NEB: variants seen among roughly 807,000 people sequenced by gnomAD.
NEB encodes the protein nebulin.
In NEB, 512 loss-of-function variants were observed where a neutral mutation model predicts 952.2. That is an observed-to-expected ratio of 0.54 (90% CI 0.50 to 0.58). The LOEUF is 0.58. Ranked by LOEUF, NEB falls within the 20% of genes least tolerant of loss-of-function variation. NEB has a pLI of 0.00. For synonymous variants in NEB, 2,900 were observed against 3,149.8 expected (o/e 0.92, Z 2.66); for missense variants, 8,428 against 9,231.1 (o/e 0.91, Z 3.56).
At chr2:151,499,486 C>A in intron 168 of NEB, 96 bp from the exon 169 acceptor site, 1 of 689,738 alleles carries the variant, frequency 1.4e-6, no homozygotes, top group Non-Finnish European at 2.6e-6. Context: ...CTACAGACGT[C>A]AGACAGAAAA....
At chr2:151,604,074 C>T (rs1389676273) in intron 85 of NEB, among the ~76,000 whole-genome samples, 2 of 124,482 alleles carry the variant, frequency 1.6e-5, no homozygotes, top group African/African-American at 7.0e-5. Context: ...TGAAGTCTGC[C>T]TTTTATGTAC....
chr2:151,655,873 G>A lies in NEB; in HGVS notation c.6646C>T (p.Leu2216=), dbSNP rs779191300. 6.8e-6 allele frequency: 11 copies of A among 1,613,644 alleles called. No homozygotes were observed. Among genetic ancestry groups the A allele is most frequent in the African/African-American group, 1.3e-5 (1 of 74,866 alleles). The part of the protein sequence containing the change: ...QHPSNFQFKK[L]TDSMDMVLAK... ...AGCACCATGTCCATGGAATCAGTCA[G>A]CTTCTTAAACTGGAAGTTGCTCGGG... is the stretch of plus-strand genomic sequence containing the variant. The change falls in exon 50 of 182, where the codon CTG becomes TTG. Residue 2216 remains leucine, a synonymous_variant. Transcript: ENST00000397345.
chr2:151,529,160 C>T (rs182560374), intron 146 of NEB, 50 bp downstream of exon 146: 5 of 1,266,122 alleles, frequency 3.9e-6, no homozygotes, highest in African/African-American at 1.5e-5. Flanking sequence ...ATGTGTCCTA[C>T]AGAAGCTGGT....
chr2:151,724,884 T>C lies in NEB; in HGVS notation c.480A>G (p.Ala160=), dbSNP rs1183691971. 1 of 1,613,832 alleles carries C rather than the reference T, an allele frequency of 6.2e-7. No homozygotes were observed. The highest frequency in any genetic ancestry group is 1.7e-5 in the Admixed American group (1 of 59,970). The change falls in exon 7 of 182, where the codon GCA becomes GCG. Residue 160 remains alanine, a synonymous_variant. Transcript: ENST00000397345. ...TACTGACTTGCTGCGACACTTTCTT[T>C]GCATGTTCAATATCCTTTGCTTTTT... ...VDEKAKDIEH[A]KKVSQQVSKV...
At chr2:151,702,325 A>C (rs2099676371) in intron 13 of NEB, among the ~76,000 whole-genome samples, 1 of 148,342 alleles carries the variant, frequency 6.7e-6, no homozygotes, top group Non-Finnish European at 1.5e-5. Flanking sequence ...TGTGGTGCTG[A>C]AAAAAATGTA....
At chr2:151,549,351 G>A (rs578058542) in intron 130 of NEB, among the ~76,000 whole-genome samples, 1 of 152,290 alleles carries the variant, frequency 6.6e-6, no homozygotes, top group African/African-American at 2.4e-5. Flanking sequence ...TGTGCTAAGT[G>A]AGGCCAGCAG....
intron 161 of NEB, among the ~76,000 whole-genome samples, chr2:151,511,673 C>T (rs1226977736): frequency 1.3e-5 from 2 of 152,216 alleles, no homozygotes; most frequent in Non-Finnish European, 2.9e-5. Flanking sequence ...TCCTGACCAT[C>T]ACTGACAATC....
At chr2:151,575,372 GTCTA>G (rs2096792050) in intron 107 of NEB, among the ~76,000 whole-genome samples, 1 of 152,138 alleles carries the variant, frequency 6.6e-6, no homozygotes, top group Non-Finnish European at 1.5e-5. Flanking sequence ...ATTATTTTGA[GTCTA>G]TCTGAGTCTA....
At chr2:151,611,196 C>T (rs2097941702) in intron 78 of NEB, among the ~76,000 whole-genome samples, 1 of 152,130 alleles carries the variant, frequency 6.6e-6, no homozygotes, top group Non-Finnish European at 1.5e-5. Flanking sequence ...CAGTAGAAAT[C>T]CCTAGACTTC....
intron 106 of NEB, 93 bp from the exon 107 acceptor site, chr2:151,575,892 C>T: frequency 1.0e-6 from 1 of 957,118 alleles, no homozygotes; most frequent in Non-Finnish European, 1.7e-6. Flanking sequence ...TGGATTTGAT[C>T]CAAAACCCTT....
At chr2:151,513,850 G>T (rs946323014) in intron 159 of NEB, among the ~76,000 whole-genome samples, 157 bp from the exon 160 acceptor site, 1 of 152,230 alleles carries the variant, frequency 6.6e-6, no homozygotes, top group Non-Finnish European at 1.5e-5. Flanking sequence ...GTGGTAGGAT[G>T]AAGTGGTGTC....
In NEB at chr2:151,610,816, C is replaced by T. The variant is rs1483667311; in HGVS notation, c.11856G>A (p.Met3952Ile). 6.2e-7 allele frequency: 1 copy of T among 1,606,388 alleles called. No homozygotes were observed. Among genetic ancestry groups the T allele is most frequent in the African/African-American group, 1.3e-5 (1 of 74,978 alleles). Residue 3952 changes from methionine (M) to isoleucine (I), a missense_variant, in exon 79 of 182, where the codon ATG becomes ATA. Transcript: ENST00000397345. ...CCAGCAGGATATCTGGGGTGTCTGG[C>T]ATCACGTGGATGGAGGTTTTGTCAG... Reference protein sequence around the residue: ...WDADKTSIHVMPDTPDILLAK... With the variant: ...WDADKTSIHVIPDTPDILLAK...
chr2:151,658,959 T>C, intron 47 of NEB, 106 bp downstream of exon 47: 1 of 927,762 alleles, frequency 1.1e-6, no homozygotes, highest in Non-Finnish European at 1.8e-6. Flanking sequence ...TCCACCATTA[T>C]TTTTAAAACA....
chr2:151,505,649 G>C, intron 164 of NEB, 79 bp from the exon 165 acceptor site: 1 of 1,204,488 alleles, frequency 8.3e-7, no homozygotes, highest in Non-Finnish European at 1.2e-6. Flanking sequence ...CATGTTTTTT[G>C]TAGCCCCCAA....
intron 161 of NEB, 34 bp from the exon 162 acceptor site, chr2:151,508,143 A>C (rs2153218888): frequency 6.8e-7 from 1 of 1,472,206 alleles, no homozygotes; most frequent in South Asian, 1.2e-5. Context: ...AGGAGGGTAA[A>C]CACCACAGGG....
intron 134 of NEB, 128 bp downstream of exon 134, chr2:151,546,217 A>T: frequency 1.3e-6 from 1 of 756,278 alleles, no homozygotes; most frequent in Non-Finnish European, 2.2e-6. Context: ...TGCTCAAGTG[A>T]GTTAATGATA....
At position 151,626,986 on chromosome 2, in the gene NEB, C is replaced by T. The variant is rs540812788; in HGVS notation, c.10347+16G>A. On this transcript the variant is annotated intron_variant, in intron 70 of 181. Transcript: ENST00000397345. ...CATATAGCCCTGTCTTATTTTCCTACAAATTGGGGGCTCACCTTGTTCATA... is the reference window on the plus strand; with the variant it reads ...CATATAGCCCTGTCTTATTTTCCTATAAATTGGGGGCTCACCTTGTTCATA... 3.7e-6 allele frequency: 6 copies of T among 1,613,284 alleles called. No individual in the cohort carries two copies. The highest frequency in any genetic ancestry group is 1.1e-5 in the South Asian group (1 of 91,052).
At position 151,666,120 on chromosome 2, in the gene NEB, G is replaced by A; in HGVS notation, c.5001C>T (p.His1667=). The part of the protein sequence containing the change: ...TLLPDALNVE[H]SRNAMQIQSD... ...TCTGAATCTGCATGGCATTCCTGGA[G>A]TGCTCCACATTCAAGGCATCGGGCA... The change falls in exon 41 of 182, where the codon CAC becomes CAT. Residue 1667 remains histidine, a synonymous_variant. Transcript: ENST00000397345. 1.9e-6 allele frequency: 3 copies of A among 1,613,624 alleles called. No homozygotes were observed. Among genetic ancestry groups the A allele is most frequent in the Non-Finnish European group, 2.5e-6 (3 of 1,179,620 alleles).
intron 17 of NEB, 116 bp downstream of exon 17, chr2:151,696,521 T>C: frequency 1.3e-6 from 1 of 750,384 alleles, no homozygotes; most frequent in Non-Finnish European, 2.3e-6. Flanking sequence ...CTGTTTAAAC[T>C]TGCTAATACT....
Sources: gnomAD v4.1 joint callset for allele counts (sites outside exome capture counted in the v4.1 genomes callset) on GRCh38, gnomAD v4.1.1 for gene constraint, MANE v1.5 for transcripts, NCBI Gene and HGNC (gene_info 2026-07-23, HGNC 2026-07-21) for gene names.